Variants in CD34 observed in about 807,000 individuals in gnomAD.
CD34 encodes hematopoietic progenitor cell antigen CD34.
In CD34, 34 loss-of-function variants were observed where a neutral mutation model predicts 40.1. That is an observed-to-expected ratio of 0.85 (90% CI 0.65 to 1.13). The LOEUF (loss-of-function observed/expected upper bound fraction) is 1.13, where lower values mean the gene tolerates loss of function less well. Ranked by LOEUF, CD34 falls within the 50% of genes most tolerant of loss-of-function variation. The probability of loss-of-function intolerance (pLI) is 0.00; values close to 1 mark genes in which losing one functional copy is unlikely to be tolerated. For synonymous variants in CD34, 209 were observed against 190.0 expected, an observed-to-expected ratio of 1.10 and a Z score of -0.82; for missense variants, 426 against 466.9, an observed-to-expected ratio of 0.91 and a Z score of 0.81.
chr1:207,894,707 A>G (rs1305531814), intron 4 of CD34, among the ~76,000 whole-genome samples: 1 of 152,180 alleles, frequency 6.6e-6, no homozygotes, highest in Non-Finnish European at 1.5e-5. Flanking sequence ...TAGACTCAGG[A>G]AGACACATCC....
chr1:207,902,890 T>C (rs1387501365), intron 1 of CD34, among the ~76,000 whole-genome samples: 1 of 152,044 alleles, frequency 6.6e-6, no homozygotes, highest in Non-Finnish European at 1.5e-5. Context: ...CAGCAGCCCC[T>C]CCACCCACCA....
rs2102292948 is a variant in CD34, at chr1:207,886,354, G to A, written c.*1384C>T. On this transcript the variant is annotated 3_prime_UTR_variant, in exon 8 of 8. Coordinates refer to ENST00000310833, the MANE Select transcript of CD34 (RefSeq NM_001025109.2). ...ATGGATGTTTCCTCTCCCCATGGAGGAGAATAGTTGGCAGACTTGGCTAAA... is the reference window on the plus strand; with the variant it reads ...ATGGATGTTTCCTCTCCCCATGGAGAAGAATAGTTGGCAGACTTGGCTAAA... 1 of 152,294 alleles carries A rather than the reference G, an allele frequency of 6.6e-6. No homozygotes were observed. Among genetic ancestry groups the A allele is most frequent in the Non-Finnish European group, 1.5e-5 (1 of 68,038 alleles). 9.4% of individuals were successfully genotyped at this position (152,294 alleles called of 1,614,324 possible).
intron 1 of CD34, among the ~76,000 whole-genome samples, chr1:207,903,953 C>A (rs1008872846): frequency 6.6e-6 from 1 of 152,102 alleles, no homozygotes; most frequent in African/African-American, 2.4e-5. Flanking sequence ...AACATAGCCA[C>A]GACATGTTCA....
intron 3 of CD34, among the ~76,000 whole-genome samples, 172 bp from the exon 4 acceptor site, chr1:207,897,745 ACT>A (rs1233210754): frequency 7.2e-5 from 11 of 152,128 alleles, no homozygotes; most frequent in Non-Finnish European, 1.2e-4. Context: ...TAATAGTCAT[ACT>A]CTCGTCTATT....
chr1:207,888,202 C>A, intron 7 of CD34: 1 of 1,478,460 alleles, frequency 6.8e-7, no homozygotes, highest in Non-Finnish European at 9.5e-7. Flanking sequence ...CGGGCAGTTC[C>A]AAGAAGGGTG....
intron 1 of CD34, among the ~76,000 whole-genome samples, chr1:207,903,957 A>T (rs761411270): frequency 2.0e-5 from 3 of 152,102 alleles, no homozygotes; most frequent in Non-Finnish European, 4.4e-5. Context: ...TAGCCACGAC[A>T]TGTTCATGAT....
At chr1:207,893,149 G>T (rs1046281385) in intron 4 of CD34, among the ~76,000 whole-genome samples, 4 of 152,144 alleles carry the variant, frequency 2.6e-5, no homozygotes, top group Admixed American at 1.3e-4. Flanking sequence ...ATGAGAATCA[G>T]ATTTACAAGC....
At chr1:207,896,884 A>G (rs867402706) in intron 4 of CD34, among the ~76,000 whole-genome samples, 16 of 152,340 alleles carry the variant, frequency 1.1e-4, no homozygotes, top group Middle Eastern at 3.4e-3. Flanking sequence ...GACAAACTGA[A>G]CAAATAAAAT....
chr1:207,888,892 T>C (rs1553261374), intron 6 of CD34, 46 bp from the exon 7 acceptor site: 5 of 1,597,900 alleles, frequency 3.1e-6, no homozygotes, highest in Non-Finnish European at 4.3e-6. Context: ...TTGCCAAAAG[T>C]GGAGCCCAGC....
chr1:207,898,036 T>TTTA (rs1255190667), intron 3 of CD34, among the ~76,000 whole-genome samples: 22 of 60,618 alleles, frequency 3.6e-4, no homozygotes, highest in African/African-American at 7.1e-4. Flanking sequence ...GGCTCTTTTA[T>TTTA]TTATTTATTT....
At chr1:207,901,835 T>C (rs1475538085) in intron 1 of CD34, among the ~76,000 whole-genome samples, 2 of 152,186 alleles carry the variant, frequency 1.3e-5, no homozygotes, top group Non-Finnish European at 2.9e-5. Flanking sequence ...TAAAGGCAGT[T>C]GCATCTTCAA....
intron 2 of CD34, 142 bp downstream of exon 2, chr1:207,899,679 C>A (rs888603604): frequency 4.0e-5 from 29 of 733,734 alleles, no homozygotes; most frequent in African/African-American, 5.4e-5. Context: ...TCAGGGCACC[C>A]TAAGCATGAT....
chr1:207,893,201 A>G (rs971477927), intron 4 of CD34, among the ~76,000 whole-genome samples: 2 of 152,306 alleles, frequency 1.3e-5, no homozygotes, highest in Non-Finnish European at 2.9e-5. Context: ...TGCAAACACA[A>G]TAAACCCATC....
Position 207,882,332 on chromosome 1 carries a change from A to C in CD34, c.*5406T>G, listed in dbSNP as rs530550524. 4.9e-4 allele frequency: 74 copies of C among 152,344 alleles called. No individual in the cohort carries two copies. Among genetic ancestry groups the C allele is most frequent in the African/African-American group, 1.5e-3 (64 of 41,578 alleles). 9.4% of individuals were successfully genotyped at this position (152,344 alleles called of 1,614,324 possible). A position where few individuals can be genotyped will look rare whatever the true frequency, so the allele number is the denominator to read the frequency against. Reference sequence around the variant, plus strand: ...ACCTCTCTGCCCTGAAGGTGTCAACAGCTGAATGGGGAACCTGGACCCACC... The same window carrying C: ...ACCTCTCTGCCCTGAAGGTGTCAACCGCTGAATGGGGAACCTGGACCCACC... On this transcript the variant is annotated 3_prime_UTR_variant, in exon 8 of 8. Coordinates refer to ENST00000310833, the MANE Select transcript of CD34 (RefSeq NM_001025109.2).
At chr1:207,904,283 T>C (rs979426365) in intron 1 of CD34, among the ~76,000 whole-genome samples, 1 of 152,174 alleles carries the variant, frequency 6.6e-6, no homozygotes, top group Non-Finnish European at 1.5e-5. Flanking sequence ...AGCACCTGGA[T>C]CAAGAGGAGT....
chr1:207,882,969 G>A lies in CD34; in HGVS notation c.*4769C>T, dbSNP rs749541716. On this transcript the variant is annotated 3_prime_UTR_variant, in exon 8 of 8. Transcript: ENST00000310833. ...ACCCAATGTAAAGACTTGACAGAAG[G>A]GACTATGTCTTATCCCAGGTGCCTG... is the stretch of plus-strand genomic sequence containing the variant. The A allele has an allele frequency of 6.6e-6, 1 of 152,072 alleles. No individual in the cohort carries two copies. The highest frequency in any genetic ancestry group is 1.5e-5 in the Non-Finnish European group (1 of 68,012). The allele number at this position is 152,072 out of a possible 1,614,324, so 9.4% of individuals were successfully genotyped here.
chr1:207,892,437 GGC>G (rs1425203077), intron 4 of CD34, among the ~76,000 whole-genome samples: 2 of 152,092 alleles, frequency 1.3e-5, no homozygotes, highest in Non-Finnish European at 2.9e-5. Flanking sequence ...AAATTAGCTG[GGC>G]ATGGTGGTGG....
intron 4 of CD34, chr1:207,889,926 C>A (rs1571768049): frequency 2.3e-5 from 34 of 1,481,720 alleles, no homozygotes; most frequent in Non-Finnish European, 3.0e-5. Flanking sequence ...AAATTAAACT[C>A]AAAAGAAATG....
chr1:207,903,029 A>C (rs1662307473), intron 1 of CD34, among the ~76,000 whole-genome samples: 1 of 152,198 alleles, frequency 6.6e-6, no homozygotes, highest in Non-Finnish European at 1.5e-5. Context: ...GGACAGGACA[A>C]GTGGGAGGGC....
Sources: gnomAD v4.1 joint callset for allele counts (sites outside exome capture counted in the v4.1 genomes callset) on GRCh38, gnomAD v4.1.1 for gene constraint, MANE v1.5 for transcripts, NCBI Gene and HGNC (gene_info 2026-07-23, HGNC 2026-07-21) for gene names.